SERPINI1: variants seen among roughly 807,000 people sequenced by gnomAD.
SERPINI1 encodes the protein serpin family I member 1.
Under a neutral mutation model 41.1 loss-of-function variants are expected in SERPINI1, and 19 were observed. That is an observed-to-expected ratio of 0.46 (90% CI 0.32 to 0.68). The LOEUF (loss-of-function observed/expected upper bound fraction) is 0.68. Among genes scored for constraint, SERPINI1 ranks in the 30% least tolerant of loss-of-function variants. The pLI is 0.03. For synonymous variants in SERPINI1, 138 were observed against 156.6 expected (o/e 0.88, Z 0.89); for missense variants, 460 against 479.2 (o/e 0.96, Z 0.37).
chr3:167,755,254 A>C (rs1311867245), intron 1 of SERPINI1, among the ~76,000 whole-genome samples: 1 of 152,074 alleles, frequency 6.6e-6, no homozygotes, highest in Non-Finnish European at 1.5e-5. Context: ...TAATTAAGAA[A>C]CTCTGAAAGA....
rs75152304 is a variant in SERPINI1 at position 167,775,052 on chromosome 3, T to C, written c.-18-14059T>C. On this transcript the variant is annotated intron_variant, in intron 1 of 8. Transcript: ENST00000446050. ...TATATCCTGCTGTCCTGTATTAAGA[T>C]ATCATTATATTATAATAACATGTTT... 4.3e-4 allele frequency among the ~76,000 whole-genome samples: 65 copies of C among 152,116 alleles called. No homozygotes were observed. The East Asian group carries it at 0.012, about 28-fold the overall frequency.
intron 1 of SERPINI1, among the ~76,000 whole-genome samples, chr3:167,752,166 C>T (rs1038803810): frequency 2.0e-5 from 3 of 152,234 alleles, no homozygotes; most frequent in East Asian, 1.9e-4. Context: ...GGCCATAGGG[C>T]ACCTCTTCTC....
At chr3:167,795,342 A>G (rs1213611737) in intron 5 of SERPINI1, among the ~76,000 whole-genome samples, 2 of 152,164 alleles carry the variant, frequency 1.3e-5, no homozygotes, top group Admixed American at 6.5e-5. Flanking sequence ...CCCTGTGGCT[A>G]AAAGAATAAG....
In SERPINI1 at chr3:167,792,620, A is replaced by G. The variant is rs768902962; in HGVS notation, c.512A>G (p.Asp171Gly). The change falls in exon 4 of 9, where the codon GAT becomes GGT. Residue 171 changes from aspartate (D) to glycine (G), a missense_variant. Asp to Gly is a moderately conservative substitution (Grantham distance 94). Coordinates refer to ENST00000446050, the MANE Select transcript of SERPINI1 (RefSeq NM_001122752.2). ...GTGAAAGATTTGGTATCCCCAAGGG[A>G]TTTTGATGCTGCCACTTATCTGGCC... ...NLVKDLVSPR[D>G]FDAATYLALI... 6.2e-7 allele frequency: 1 copy of G among 1,613,392 alleles called. No homozygotes were observed. The highest frequency in any genetic ancestry group is 2.2e-5 in the East Asian group (1 of 44,858).
intron 1 of SERPINI1, among the ~76,000 whole-genome samples, chr3:167,767,092 T>C (rs1012576245): frequency 3.3e-5 from 5 of 152,206 alleles, no homozygotes; most frequent in African/African-American, 1.2e-4. Context: ...AAAGTCAATG[T>C]CTGGTTTTAA....
chr3:167,810,054 G>A (rs1209560798), intron 6 of SERPINI1, among the ~76,000 whole-genome samples: 1 of 152,010 alleles, frequency 6.6e-6, no homozygotes, highest in African/African-American at 2.4e-5. Flanking sequence ...CATTCCCCAT[G>A]CCATGCACAC....
intron 6 of SERPINI1, 149 bp from the exon 7 acceptor site, chr3:167,822,837 T>C: frequency 1.6e-6 from 1 of 613,848 alleles, no homozygotes; most frequent in Admixed American, 2.8e-5. Context: ...TCTTCAATGG[T>C]TATCTCATTA....
At chr3:167,794,968 C>T in intron 5 of SERPINI1, 144 bp downstream of exon 5, 1 of 669,792 alleles carries the variant, frequency 1.5e-6, no homozygotes, top group South Asian at 1.8e-5. Context: ...CCTTCTCTTT[C>T]TCCTTCTCCT....
rs117713043 is a variant in SERPINI1, at chr3:167,739,115, T to C, written c.-19+3292T>C. 9.5e-3 allele frequency among the ~76,000 whole-genome samples: 1,438 copies of C among 150,936 alleles called. 29 individuals are homozygous for C. Among genetic ancestry groups the C allele is most frequent in the East Asian group, 0.095 (487 of 5,118 alleles). ...GGAGAGATTTTTTTGTTGTTTCTTT[T>C]TTTTTTTTTTTTTTAAATCTTAAAC... On this transcript the variant is annotated intron_variant, in intron 1 of 8. Coordinates refer to ENST00000446050, the MANE Select transcript of SERPINI1 (RefSeq NM_001122752.2).
rs1283424363 is a variant in SERPINI1 at position 167,789,379 on chromosome 3, G to A, written c.250+1G>A. 1 of 1,613,902 alleles carries A rather than the reference G, an allele frequency of 6.2e-7. No homozygotes were observed. Among genetic ancestry groups the A allele is most frequent in the East Asian group, 2.2e-5 (1 of 44,874 alleles). On this transcript the variant is annotated splice_donor_variant, in intron 2 of 8. Transcript: ENST00000446050. LOFTEE classifies it high-confidence loss of function. ...ATGGGATATGACAGCCTAAAAAATG[G>A]TAAGAGTGATCAGGTTTGATTTCTC...
At chr3:167,783,638 A>G in intron 1 of SERPINI1, among the ~76,000 whole-genome samples, 1 of 152,142 alleles carries the variant, frequency 6.6e-6, no homozygotes, top group East Asian at 1.9e-4. Context: ...TAAAATGTAG[A>G]ACAAGGAAAC....
chr3:167,786,013 A>G (rs1174212732), intron 1 of SERPINI1, among the ~76,000 whole-genome samples: 1 of 152,232 alleles, frequency 6.6e-6, no homozygotes. Context: ...CCTAGATAGC[A>G]TAGCCTACTA....
intron 1 of SERPINI1, among the ~76,000 whole-genome samples, chr3:167,749,874 C>T (rs1017167204): frequency 6.6e-6 from 1 of 151,970 alleles, no homozygotes; most frequent in South Asian, 2.1e-4. Context: ...GCATAGGTGC[C>T]GGAAGGGTTC....
At chr3:167,811,247 G>A (rs1181540874) in intron 6 of SERPINI1, among the ~76,000 whole-genome samples, 4 of 151,140 alleles carry the variant, frequency 2.6e-5, no homozygotes, top group African/African-American at 7.3e-5. Flanking sequence ...TTGGATCTGG[G>A]CAAAGAGGCC....
intron 1 of SERPINI1, among the ~76,000 whole-genome samples, chr3:167,784,478 C>A (rs538465248): frequency 1.3e-5 from 2 of 152,088 alleles, no homozygotes; most frequent in Non-Finnish European, 2.9e-5. Context: ...CGTTCTCACA[C>A]GGCTATGAAG....
At position 167,824,484 on chromosome 3, in the gene SERPINI1, A is replaced by G. The variant is rs1482957847; in HGVS notation, c.1078A>G (p.Ile360Val). ...EAAAVSGMIA[I>V]SRMAVLYPQV... ...TATCTGCACTGTAGGAATGATTGCAATTAGTAGGATGGCTGTGCTGTATCC... is the reference window on the plus strand; with the variant it reads ...TATCTGCACTGTAGGAATGATTGCAGTTAGTAGGATGGCTGTGCTGTATCC... The change falls in exon 8 of 9, where the codon ATT (isoleucine) becomes GTT (valine). Residue 360 changes from isoleucine to valine, a missense_variant. Coordinates refer to ENST00000446050, the MANE Select transcript of SERPINI1 (RefSeq NM_001122752.2). 1 of 1,613,126 alleles carries G rather than the reference A, an allele frequency of 6.2e-7. No homozygotes were observed. Among genetic ancestry groups the G allele is most frequent in the Non-Finnish European group, 8.5e-7 (1 of 1,179,340 alleles).
Position 167,798,780 on chromosome 3 carries a change from T to G in SERPINI1, c.881+3956T>G, listed in dbSNP as rs886168400. 2.6e-5 allele frequency among the ~76,000 whole-genome samples: 4 copies of G among 152,028 alleles called. No homozygotes were observed. The East Asian group carries it at 7.8e-4, about 29-fold the overall frequency. ...CATTTTCTCACTTATAAGTGGGAGC[T>G]AAATTTTGGGTACTCATGGACATAA... On this transcript the variant is annotated intron_variant, in intron 5 of 8. Coordinates refer to ENST00000446050, the MANE Select transcript of SERPINI1 (RefSeq NM_001122752.2).
intron 3 of SERPINI1, among the ~76,000 whole-genome samples, chr3:167,791,310 C>T (rs1727499933): frequency 6.6e-6 from 1 of 152,016 alleles, no homozygotes. Flanking sequence ...ATTTTCAAAG[C>T]TACCCAAATC....
chr3:167,825,168 T>C (rs2108576408), intron 8 of SERPINI1, 79 bp from the exon 9 acceptor site: 6 of 938,052 alleles, frequency 6.4e-6, no homozygotes, highest in Non-Finnish European at 7.1e-6. Flanking sequence ...CATATTTTCA[T>C]TAATTGTAAG....
Sources: gnomAD v4.1 joint callset for allele counts (sites outside exome capture counted in the v4.1 genomes callset) on GRCh38, gnomAD v4.1.1 for gene constraint, MANE v1.5 for transcripts, NCBI Gene and HGNC (gene_info 2026-07-23, HGNC 2026-07-21) for gene names.